SOS2: variants seen among roughly 807,000 people sequenced by gnomAD.
SOS2 encodes SOS Ras/Rho guanine nucleotide exchange factor 2, also known as son of sevenless homolog 2.
A neutral mutation model predicts 148.2 loss-of-function variants in SOS2; 65 were observed. The observed-to-expected ratio is 0.44, with a 90% confidence interval of 0.36 to 0.54. SOS2 has a LOEUF of 0.54. SOS2 is among the 20% of genes least tolerant of loss of function. The pLI is 0.00. For missense variants in SOS2, 1,341 were observed against 1,590.2 expected (o/e 0.84, Z 2.67); for synonymous variants, 539 against 537.1 (o/e 1.00, Z -0.05).
At chr14:50,180,549 A>C (rs1431160710) in intron 7 of SOS2, 23 bp downstream of exon 7, 3 of 1,083,882 alleles carry the variant, frequency 2.8e-6, no homozygotes, top group Middle Eastern at 2.1e-4. Context: ...AAAAAAAAAA[A>C]AAAACCTTCA....
intron 12 of SOS2, among the ~76,000 whole-genome samples, chr14:50,154,789 G>T (rs960182483): frequency 6.6e-6 from 1 of 152,138 alleles, no homozygotes; most frequent in African/African-American, 2.4e-5. Flanking sequence ...TGGGCAGTGG[G>T]AACAAAAACT....
intron 19 of SOS2, among the ~76,000 whole-genome samples, chr14:50,133,849 T>C (rs2139527366): frequency 6.6e-6 from 1 of 152,292 alleles, no homozygotes. Context: ...TCCATTCAGC[T>C]ACCTATTAAG....
intron 16 of SOS2, among the ~76,000 whole-genome samples, chr14:50,140,661 T>C (rs1884242049): frequency 6.6e-6 from 1 of 152,136 alleles, no homozygotes; most frequent in Admixed American, 6.5e-5. Flanking sequence ...GGTATAACAT[T>C]GTAGCTTTTA....
At chr14:50,186,759 T>A (rs1885924420) in intron 5 of SOS2, among the ~76,000 whole-genome samples, 2 of 152,224 alleles carry the variant, frequency 1.3e-5, no homozygotes, top group Admixed American at 1.3e-4. Flanking sequence ...TGACTACTTA[T>A]GATAGTATTC....
intron 4 of SOS2, 73 bp downstream of exon 4, chr14:50,199,618 T>C (rs1886419036): frequency 1.2e-6 from 1 of 861,290 alleles, no homozygotes; most frequent in South Asian, 2.0e-5. Flanking sequence ...TCTAATAATG[T>C]ACACAAAAAG....
At chr14:50,190,977 A>T (rs1204922313) in intron 4 of SOS2, among the ~76,000 whole-genome samples, 1 of 152,156 alleles carries the variant, frequency 6.6e-6, no homozygotes, top group Non-Finnish European at 1.5e-5. Context: ...TCTCTTCCCC[A>T]CCAGAGACCC....
intron 21 of SOS2, among the ~76,000 whole-genome samples, chr14:50,125,034 G>C (rs569507987): frequency 2.6e-5 from 4 of 152,268 alleles, no homozygotes; most frequent in African/African-American, 9.6e-5. Context: ...TTCCCCCAAA[G>C]ATATGATGAA....
chr14:50,143,055 C>T (rs556889036), intron 16 of SOS2, among the ~76,000 whole-genome samples: 1 of 152,070 alleles, frequency 6.6e-6, no homozygotes, highest in South Asian at 2.1e-4. Context: ...GTCCTTATGT[C>T]AAAGCATTAT....
chr14:50,155,439 T>C (rs1362256734), intron 12 of SOS2, among the ~76,000 whole-genome samples: 2 of 152,146 alleles, frequency 1.3e-5, no homozygotes, highest in African/African-American at 4.8e-5. Flanking sequence ...CTATTTCTCA[T>C]GACCCTGAAT....
intron 1 of SOS2, among the ~76,000 whole-genome samples, chr14:50,208,385 C>G (rs536336376): frequency 2.0e-5 from 3 of 152,016 alleles, no homozygotes; most frequent in Non-Finnish European, 4.4e-5. Flanking sequence ...GGTGCGGTGG[C>G]TCAGACCTGT....
intron 21 of SOS2, among the ~76,000 whole-genome samples, chr14:50,124,287 A>G (rs1883617759): frequency 6.6e-6 from 1 of 152,198 alleles, no homozygotes; most frequent in African/African-American, 2.4e-5. Flanking sequence ...GAAGGTGAGG[A>G]GGAACCAGCA....
chr14:50,160,379 CTTTTTTTTTTTTTTTTTTT>C (rs200021758), intron 9 of SOS2, among the ~76,000 whole-genome samples: 43 of 78,920 alleles, frequency 5.4e-4, no homozygotes, highest in South Asian at 4.0e-3. Context: ...CAATGCTAAT[CTTTTTTTTTTTTTTTTTTT>C]TTTTTTTTTT....
At position 50,172,419 on chromosome 14, in the gene SOS2, C is replaced by CTTTTTTTTTTTTTTTTTTTTT. The variant is rs768766517; in HGVS notation, c.1068+2034_1068+2035insAAAAAAAAAAAAAAAAAAAAA. On this transcript the variant is annotated intron_variant, in intron 8 of 22. Coordinates refer to ENST00000216373, the MANE Select transcript of SOS2 (RefSeq NM_006939.4). ...ATGGGTAGTTTCTCTTTATTCATTC[C>CTTTTTTTTTTTTTTTTTTTTT]TTTTTTTTTTTTTTCTGAGATGGAG... 2.9e-4 allele frequency among the ~76,000 whole-genome samples: 24 copies of CTTTTTTTTTTTTTTTTTTTTT among 82,766 alleles called. 5 individuals are homozygous for CTTTTTTTTTTTTTTTTTTTTT. The highest frequency in any genetic ancestry group is 6.8e-4 in the Admixed American group (4 of 5,874). The allele number at this position is 82,766 out of a possible 152,430, so 54.3% of individuals were successfully genotyped here. A position where few individuals can be genotyped will look rare whatever the true frequency, so the allele number is the denominator to read the frequency against.
chr14:50,122,390 G>GTTTTTTTTTTTTTTTTT (rs1566816230), intron 21 of SOS2, among the ~76,000 whole-genome samples: 1 of 60,554 alleles, frequency 1.7e-5, no homozygotes, highest in African/African-American at 8.2e-5. Flanking sequence ...AGAACCCTGG[G>GTTTTTTTTTTTTTTTTT]CTTTTTTTTT....
intron 1 of SOS2, among the ~76,000 whole-genome samples, chr14:50,204,673 C>T (rs766793520): frequency 9.9e-5 from 15 of 152,156 alleles, no homozygotes; most frequent in Non-Finnish European, 1.3e-4. Context: ...AGCATATACA[C>T]ATAAACTATT....
At position 50,157,252 on chromosome 14, in the gene SOS2, G is replaced by A. The variant is rs529415638; in HGVS notation, c.1935-131C>T. On this transcript the variant is annotated intron_variant, in intron 11 of 22. Transcript: ENST00000216373. ...TACTGTTAAACTTCCCTTGAGGTAT[G>A]ATATACTACAAAAAACTGTCCTTTG... The A allele has an allele frequency of 6.4e-6, 6 of 932,832 alleles. No individual in the cohort carries two copies. The Admixed American group carries it at 1.2e-4, about 18-fold the overall frequency. 57.8% of individuals were successfully genotyped at this position (932,832 alleles called of 1,614,324 possible). A position where few individuals can be genotyped will look rare whatever the true frequency, so the allele number is the denominator to read the frequency against.
chr14:50,125,220 C>A (rs555922097), intron 21 of SOS2, among the ~76,000 whole-genome samples: 1 of 152,236 alleles, frequency 6.6e-6, no homozygotes, highest in Admixed American at 6.5e-5. Flanking sequence ...AGCCATATGA[C>A]AATGGAGGCA....
At position 50,150,234 on chromosome 14, in the gene SOS2, G is replaced by T. The variant is rs57179949; in HGVS notation, c.2162-4C>A. ...ACCCATTTTTTCATAGCTTTCCCTG[G>T]AAAAAGAACACATAAAGAAAAATGT... On this transcript the variant is annotated splice_region_variant and splice_polypyrimidine_tract_variant and intron_variant, in intron 13 of 22. Coordinates refer to ENST00000216373, the MANE Select transcript of SOS2 (RefSeq NM_006939.4). 2,760 of 1,561,080 alleles carry T rather than the reference G, an allele frequency of 1.8e-3. 36 individuals carry two copies. In the African/African-American group the frequency reaches 0.032, roughly 18 times the overall value.
intron 11 of SOS2, among the ~76,000 whole-genome samples, chr14:50,157,847 C>T (rs186660629): frequency 6.6e-6 from 1 of 152,178 alleles, no homozygotes; most frequent in East Asian, 1.9e-4. Context: ...AACTATAAAA[C>T]ATTTAAAATG....
Sources: allele counts gnomAD v4.1 joint callset (sites outside exome capture counted in the v4.1 genomes callset), GRCh38; gene constraint gnomAD v4.1.1; transcripts MANE v1.5; gene names NCBI Gene and HGNC (gene_info 2026-07-23, HGNC 2026-07-21).